Variants in CYP51A1 observed in about 807,000 individuals in gnomAD.
The protein encoded by CYP51A1 is cytochrome P450 family 51 subfamily A member 1.
Under a neutral mutation model 53.5 loss-of-function variants are expected in CYP51A1, and 45 were observed. The ratio of observed to expected loss-of-function variants is 0.84; its 90% confidence interval spans 0.66 to 1.08. The LOEUF is 1.08. Ranked by LOEUF, CYP51A1 falls within the 50% of genes least tolerant of loss-of-function variation. The probability of loss-of-function intolerance (pLI) is 0.00; values close to 1 mark genes in which losing one functional copy is unlikely to be tolerated. For missense variants in CYP51A1, 462 were observed against 621.7 expected (o/e 0.74, Z 2.73); for synonymous variants, 181 against 217.7 (o/e 0.83, Z 1.48).
intron 8 of CYP51A1, among the ~76,000 whole-genome samples, chr7:92,117,747 G>A (rs1819606427): frequency 1.3e-5 from 2 of 152,132 alleles, no homozygotes; most frequent in Admixed American, 1.3e-4. Flanking sequence ...CAGCACTTTG[G>A]GAGGCCAAGG....
intron 5 of CYP51A1, among the ~76,000 whole-genome samples, chr7:92,125,057 T>TG (rs1309940013): frequency 6.9e-6 from 1 of 144,564 alleles, no homozygotes; most frequent in Non-Finnish European, 1.5e-5. Flanking sequence ...GGCAGGAGAA[T>TG]GGCGTGAACC....
intron 8 of CYP51A1, among the ~76,000 whole-genome samples, chr7:92,117,716 G>A (rs367677496): frequency 6.6e-5 from 10 of 152,142 alleles, no homozygotes; most frequent in African/African-American, 2.2e-4. Context: ...TAGGCCGGGC[G>A]CGGGATTACA....
Position 92,113,853 on chromosome 7 carries a change from A to T in CYP51A1, c.1352-10T>A, listed in dbSNP as rs1004264788. 6.4e-7 allele frequency: 1 copy of T among 1,569,590 alleles called. No individual in the cohort carries two copies. ...ATACAACGATGACGCCCTAAAAAAA[A>T]GAAAAAGTTATAAGAATCAGTTTAA... is the stretch of plus-strand genomic sequence containing the variant. On this transcript the variant is annotated splice_polypyrimidine_tract_variant and intron_variant, in intron 9 of 9. Transcript: ENST00000003100.
rs889471578 is a variant in CYP51A1, at chr7:92,117,043, C to T, written c.1351+1G>A. The T allele has an allele frequency of 2.5e-6, 4 of 1,607,934 alleles. No homozygotes were observed. Among genetic ancestry groups the T allele is most frequent in the Non-Finnish European group, 3.4e-6 (4 of 1,177,488 alleles). ...TCCAATCTAAAATATAATCATCTTA[C>T]CAGCTCCAAATGGCACATAGGCAAA... On this transcript the variant is annotated splice_donor_variant, in intron 9 of 9. Coordinates refer to ENST00000003100, the MANE Select transcript of CYP51A1 (RefSeq NM_000786.4). LOFTEE classifies it high-confidence loss of function.
At chr7:92,117,771 T>C (rs1332762176) in intron 8 of CYP51A1, among the ~76,000 whole-genome samples, 2 of 152,124 alleles carry the variant, frequency 1.3e-5, no homozygotes, top group African/African-American at 2.4e-5. Flanking sequence ...GTGGATCACC[T>C]GAGGTCGGGA....
At chr7:92,113,864 T>A in intron 9 of CYP51A1, 21 bp from the exon 10 acceptor site, 1 of 1,543,060 alleles carries the variant, frequency 6.5e-7, no homozygotes, top group Non-Finnish European at 8.8e-7. Context: ...GAAAAAGTTA[T>A]AAGAATCAGT....
At chr7:92,118,887 T>C (rs1344962831) in intron 7 of CYP51A1, among the ~76,000 whole-genome samples, 3 of 152,212 alleles carry the variant, frequency 2.0e-5, no homozygotes, top group Non-Finnish European at 4.4e-5. Flanking sequence ...ACAATCTTAA[T>C]GTCAACTTTT....
At chr7:92,117,380 T>A (rs1457899639) in intron 8 of CYP51A1, 168 bp from the exon 9 acceptor site, 3 of 548,056 alleles carry the variant, frequency 5.5e-6, no homozygotes, top group Non-Finnish European at 9.4e-6. Flanking sequence ...AATTATAAGT[T>A]GAATCACATA....
In CYP51A1 at chr7:92,126,310, C is replaced by T. The variant is rs1009256662; in HGVS notation, c.713G>A (p.Gly238Glu). 5.6e-6 allele frequency: 9 copies of T among 1,611,634 alleles called. No individual in the cohort carries two copies. In the Admixed American group the frequency reaches 6.7e-5, roughly 12 times the overall value. Residue 238 changes from glycine (G) to glutamate (E), a missense_variant, in exon 5 of 10, where the codon GGA becomes GAA. By Grantham distance (98) the Gly-to-Glu change is moderately conservative. Coordinates refer to ENST00000003100, the MANE Select transcript of CYP51A1 (RefSeq NM_000786.4). ...GAGCCAGGCTGCATGGCTGAAACCT[C>T]CATCCAAATCTGCATACAGCTGTGC... ...KVAQLYADLDGGFSHAAWLLP... is the reference protein window; with the variant it reads ...KVAQLYADLDEGFSHAAWLLP...
chr7:92,129,264 A>G (rs902824997), intron 2 of CYP51A1, among the ~76,000 whole-genome samples: 6 of 152,178 alleles, frequency 3.9e-5, no homozygotes, highest in Non-Finnish European at 8.8e-5. Flanking sequence ...TATAAATATA[A>G]CTGTTTATTA....
chr7:92,115,509 C>G (rs1819564905), intron 9 of CYP51A1, among the ~76,000 whole-genome samples: 1 of 152,140 alleles, frequency 6.6e-6, no homozygotes, highest in Admixed American at 6.5e-5. Context: ...TAGGAAGATG[C>G]AAGGAAGGAT....
At chr7:92,127,743 C>G in intron 3 of CYP51A1, 112 bp from the exon 4 acceptor site, 2 of 1,074,618 alleles carry the variant, frequency 1.9e-6, no homozygotes, top group South Asian at 2.9e-5. Flanking sequence ...ATGGTTTTAA[C>G]CCTTTGGGCA....
intron 7 of CYP51A1, among the ~76,000 whole-genome samples, chr7:92,119,910 A>T (rs1203583697): frequency 6.6e-6 from 1 of 152,136 alleles, no homozygotes; most frequent in Non-Finnish European, 1.5e-5. Flanking sequence ...TCAATATATT[A>T]TTTTTTTAGA....
In CYP51A1 at chr7:92,113,122, T is replaced by G. The variant is rs1819490300; in HGVS notation, c.*543A>C. Reference sequence around the variant, plus strand: ...CAAAGGATTTCTTTTTCCTATAATATCTCCATTTCTGAGTATCATCATACC... The same window carrying G: ...CAAAGGATTTCTTTTTCCTATAATAGCTCCATTTCTGAGTATCATCATACC... On this transcript the variant is annotated 3_prime_UTR_variant, in exon 10 of 10. Transcript: ENST00000003100. 6.6e-6 allele frequency: 1 copy of G among 152,186 alleles called. No homozygotes were observed. Among genetic ancestry groups the G allele is most frequent in the Admixed American group, 6.5e-5 (1 of 15,268 alleles). The allele number at this position is 152,186 out of a possible 1,614,324, so 9.4% of individuals were successfully genotyped here.
chr7:92,117,626 G>A (rs765861018), intron 8 of CYP51A1, among the ~76,000 whole-genome samples: 1 of 152,036 alleles, frequency 6.6e-6, no homozygotes, highest in Non-Finnish European at 1.5e-5. Context: ...TTAAAACCAA[G>A]AAAAATATGT....
intron 4 of CYP51A1, 65 bp downstream of exon 4, chr7:92,127,440 A>G: frequency 6.8e-7 from 1 of 1,479,034 alleles, no homozygotes. Flanking sequence ...ACACACATAT[A>G]TACTCTACTT....
intron 4 of CYP51A1, among the ~76,000 whole-genome samples, chr7:92,126,783 A>G (rs1819810141): frequency 6.6e-6 from 1 of 152,230 alleles, no homozygotes; most frequent in South Asian, 2.1e-4. Flanking sequence ...TTCCCAAGGA[A>G]TAGTAGCCAA....
At chr7:92,119,592 C>A (rs1460900878) in intron 7 of CYP51A1, among the ~76,000 whole-genome samples, 1 of 152,100 alleles carries the variant, frequency 6.6e-6, no homozygotes, top group Non-Finnish European at 1.5e-5. Flanking sequence ...ACGCAGTAAA[C>A]AAACAGCAGC....
chr7:92,122,712 C>T (rs1819715861), intron 7 of CYP51A1, among the ~76,000 whole-genome samples: 1 of 152,188 alleles, frequency 6.6e-6, no homozygotes, highest in Non-Finnish European at 1.5e-5. Context: ...GTCTTGTCCT[C>T]ATTACTACTA....
Sources: gnomAD v4.1 joint callset for allele counts (sites outside exome capture counted in the v4.1 genomes callset) on GRCh38, gnomAD v4.1.1 for gene constraint, MANE v1.5 for transcripts, NCBI Gene and HGNC (gene_info 2026-07-23, HGNC 2026-07-21) for gene names.